UVRAG: variants seen among roughly 807,000 people sequenced by gnomAD.
UVRAG encodes the protein UV radiation resistance associated.
UVRAG carries 19 observed loss-of-function variants against 78.0 expected under a neutral mutation model. The ratio of observed to expected loss-of-function variants is 0.24; its 90% CI spans 0.17 to 0.36. The LOEUF (loss-of-function observed/expected upper bound fraction) is 0.36. Among genes scored for constraint, UVRAG ranks in the 10% least tolerant of loss-of-function variants. UVRAG has a pLI of 1.00. For missense variants in UVRAG, 740 were observed against 853.8 expected (o/e 0.87, Z 1.66); for synonymous variants, 323 against 324.6 (o/e 1.00, Z 0.05).
chr11:75,968,377 CATT>C (rs1344877428), intron 7 of UVRAG, among the ~76,000 whole-genome samples: 2 of 152,114 alleles, frequency 1.3e-5, no homozygotes, highest in East Asian at 3.8e-4. Flanking sequence ...CACTGAAACT[CATT>C]AGAAGATTAT....
intron 4 of UVRAG, among the ~76,000 whole-genome samples, chr11:75,884,240 T>TCTCTCTCTCTTTCTC (rs1555080662): frequency 1.5e-5 from 2 of 132,470 alleles, no homozygotes; most frequent in African/African-American, 6.4e-5. Flanking sequence ...CTCTCTCTCT[T>TCTCTCTCTCTTTCTC]TCTCTCTCTC....
In UVRAG at chr11:76,143,622, C is replaced by T. The variant is rs866397951; in HGVS notation, c.*2209C>T. Among the ~76,000 whole-genome samples, 156 of 152,330 alleles carry T rather than the reference C, an allele frequency of 1.0e-3. No individual in the cohort carries two copies. Among genetic ancestry groups the T allele is most frequent in the African/African-American group, 3.7e-3 (153 of 41,568 alleles). On this transcript the variant is annotated 3_prime_UTR_variant, in exon 15 of 15. Coordinates refer to ENST00000356136, the MANE Select transcript of UVRAG (RefSeq NM_003369.4). ...CACTTAGGTTTGGGTTCGTTTAGTTCGAGTTTGGGGTTTTCATTTGAACTT... is the reference window on the plus strand; with the variant it reads ...CACTTAGGTTTGGGTTCGTTTAGTTTGAGTTTGGGGTTTTCATTTGAACTT...
At chr11:75,872,276 G>T (rs1416517394) in intron 3 of UVRAG, among the ~76,000 whole-genome samples, 3 of 151,942 alleles carry the variant, frequency 2.0e-5, no homozygotes, top group African/African-American at 7.3e-5. Context: ...GAACATTAAT[G>T]ATTATATTAT....
At chr11:76,119,486 C>T (rs1001749282) in intron 14 of UVRAG, among the ~76,000 whole-genome samples, 4 of 152,190 alleles carry the variant, frequency 2.6e-5, no homozygotes, top group Non-Finnish European at 4.4e-5. Flanking sequence ...GCCTACTTGA[C>T]TCTGCCCCTG....
rs1948906767 is a variant in UVRAG at position 75,961,337 on chromosome 11, GTTCATTATTAA to G, written c.594-103_594-93del. ...TGCTAGATAATTAAAAATCAATTGA[GTTCATTATTAA>G]TTCTATGTATCCTCCAGGTTTGTCA... On this transcript the variant is annotated intron_variant, in intron 6 of 14. Coordinates refer to ENST00000356136, the MANE Select transcript of UVRAG (RefSeq NM_003369.4). 18 of 782,628 alleles carry G rather than the reference GTTCATTATTAA, an allele frequency of 2.3e-5. 1 individual carries two copies. The South Asian group carries it at 3.1e-4, about 14-fold the overall frequency. The allele number at this position is 782,628 out of a possible 1,614,324, so 48.5% of individuals were successfully genotyped here. A position where few individuals can be genotyped will look rare whatever the true frequency, so the allele number is the denominator to read the frequency against.
Position 76,140,930 on chromosome 11 carries a change from G to C in UVRAG, c.1617G>C (p.Glu539Asp), listed in dbSNP as rs1233393316. ...TGACCACCGTCCCCTCCATGGGAGA[G>C]ACCGAGAGAAAGATAACATCTCTAT... ...QPVTTVPSMG[E>D]TERKITSLSS... The change falls in exon 15 of 15, where the codon GAG becomes GAC. Residue 539 changes from glutamate to aspartate, a missense_variant. Coordinates refer to ENST00000356136, the MANE Select transcript of UVRAG (RefSeq NM_003369.4). 1 of 1,614,170 alleles carries C rather than the reference G, an allele frequency of 6.2e-7. No homozygotes were observed. Among genetic ancestry groups the C allele is most frequent in the Admixed American group, 1.7e-5 (1 of 60,014 alleles).
At chr11:75,864,917 T>C (rs1946504420) in intron 3 of UVRAG, among the ~76,000 whole-genome samples, 2 of 152,222 alleles carry the variant, frequency 1.3e-5, no homozygotes, top group Admixed American at 1.3e-4. Context: ...TTGTTTATAT[T>C]CTGAGCTTGG....
intron 6 of UVRAG, among the ~76,000 whole-genome samples, chr11:75,918,830 T>C (rs1011358554): frequency 1.8e-4 from 27 of 152,278 alleles, no homozygotes; most frequent in Admixed American, 1.4e-3. Flanking sequence ...TCTGGTAAAA[T>C]GAGAGTTGCA....
chr11:75,848,814 G>T (rs1168724154), intron 1 of UVRAG, among the ~76,000 whole-genome samples: 1 of 152,110 alleles, frequency 6.6e-6, no homozygotes, highest in East Asian at 1.9e-4. Flanking sequence ...CTTTCTTTCT[G>T]CATTCTTTCC....
At chr11:75,951,090 G>C (rs976029458) in intron 6 of UVRAG, among the ~76,000 whole-genome samples, 6 of 151,406 alleles carry the variant, frequency 4.0e-5, no homozygotes, top group African/African-American at 1.5e-4. Context: ...TGCCTAGTCA[G>C]AGTTTTTGCA....
chr11:75,974,460 G>A lies in UVRAG; in HGVS notation c.700-8927G>A, dbSNP rs540604380. The stretch of plus-strand genomic sequence containing the variant: ...CGGCTCACTGCAAGCTCCGCTTCCC[G>A]GGTTCACGCCATTCTCCTGCCTCAG... On this transcript the variant is annotated intron_variant, in intron 7 of 14. Transcript: ENST00000356136. 6.0e-3 allele frequency among the ~76,000 whole-genome samples: 876 copies of A among 144,898 alleles called. 6 individuals carry two copies. The highest frequency in any genetic ancestry group is 9.1e-3 in the Non-Finnish European group (608 of 67,054).
intron 13 of UVRAG, among the ~76,000 whole-genome samples, chr11:76,068,492 A>G (rs1188720199): frequency 6.6e-6 from 1 of 152,046 alleles, no homozygotes; most frequent in Non-Finnish European, 1.5e-5. Flanking sequence ...TCCTCTGTGG[A>G]TTTTCTTTTT....
chr11:75,840,611 G>A (rs1945888445), intron 1 of UVRAG, among the ~76,000 whole-genome samples: 1 of 152,158 alleles, frequency 6.6e-6, no homozygotes, highest in African/African-American at 2.4e-5. Context: ...GAACTTGGTG[G>A]GAGAGCAGAG....
intron 1 of UVRAG, among the ~76,000 whole-genome samples, chr11:75,841,643 A>C (rs1945912831): frequency 6.6e-6 from 1 of 152,210 alleles, no homozygotes; most frequent in Non-Finnish European, 1.5e-5. Flanking sequence ...AACATATTTG[A>C]ACACAATTTT....
At chr11:75,946,545 A>G (rs1031756106) in intron 6 of UVRAG, among the ~76,000 whole-genome samples, 7 of 152,174 alleles carry the variant, frequency 4.6e-5, no homozygotes, top group African/African-American at 1.7e-4. Context: ...TTCTCTGCTT[A>G]TGGTCTCATG....
chr11:75,954,346 A>G (rs1265027914), intron 6 of UVRAG, among the ~76,000 whole-genome samples: 2 of 152,176 alleles, frequency 1.3e-5, no homozygotes, highest in African/African-American at 4.8e-5. Context: ...ACCATTTGAC[A>G]AGGTTGTTTG....
At chr11:75,868,037 T>C (rs549489423) in intron 3 of UVRAG, among the ~76,000 whole-genome samples, 4 of 152,318 alleles carry the variant, frequency 2.6e-5, no homozygotes, top group African/African-American at 9.6e-5. Flanking sequence ...CATCTTACAA[T>C]GTGAAAAAAT....
At chr11:75,970,101 G>C (rs1949095659) in intron 7 of UVRAG, among the ~76,000 whole-genome samples, 1 of 152,186 alleles carries the variant, frequency 6.6e-6, no homozygotes, top group South Asian at 2.1e-4. Flanking sequence ...TAAAGACTAG[G>C]AGAGAAGACA....
chr11:76,021,710 G>C (rs1328540580), intron 12 of UVRAG, among the ~76,000 whole-genome samples: 2 of 152,076 alleles, frequency 1.3e-5, no homozygotes, highest in Non-Finnish European at 2.9e-5. Context: ...TAAAGTCAAA[G>C]TATTTTCTAA....
Sources: allele counts gnomAD v4.1 joint callset (sites outside exome capture counted in the v4.1 genomes callset), GRCh38; gene constraint gnomAD v4.1.1; transcripts MANE v1.5; gene names NCBI Gene and HGNC (gene_info 2026-07-23, HGNC 2026-07-21).